DYNC2LI1: variants seen among roughly 807,000 people sequenced by gnomAD.
DYNC2LI1 encodes the protein dynein cytoplasmic 2 light intermediate chain 1.
A neutral mutation model predicts 51.9 loss-of-function variants in DYNC2LI1; 45 were observed. That is an observed-to-expected ratio of 0.87 (90% CI 0.68 to 1.11). DYNC2LI1 has a LOEUF of 1.11. Ranked by LOEUF, DYNC2LI1 falls within the 50% of genes most tolerant of loss-of-function variation. The probability of loss-of-function intolerance (pLI) is 0.00; values close to 1 mark genes in which losing one functional copy is unlikely to be tolerated. For synonymous variants in DYNC2LI1, 130 were observed against 137.8 expected (o/e 0.94, Z 0.40); for missense variants, 490 against 417.4 (o/e 1.17, Z -1.51).
At chr2:43,786,146 T>A (rs1297590389) in intron 3 of DYNC2LI1, among the ~76,000 whole-genome samples, 1 of 152,206 alleles carries the variant, frequency 6.6e-6, no homozygotes, top group Non-Finnish European at 1.5e-5. Flanking sequence ...TGCCCATGTT[T>A]GGGCTGTGAT....
chr2:43,805,241 G>A lies in DYNC2LI1; in HGVS notation c.988G>A (p.Asp330Asn), dbSNP rs757775172. Residue 330 changes from aspartate to asparagine, a missense_variant, in exon 12 of 13, where the codon GAT becomes AAT. Transcript: ENST00000260605. ...NEVDEMRIQK[D>N]LELEQYKRSS... is the part of the protein sequence containing the mutation. Reference sequence around the variant, plus strand: ...AGTCGATGAGATGAGAATTCAGAAGGATCTGGTATTATCCTAAACATTTAC... The same window carrying A: ...AGTCGATGAGATGAGAATTCAGAAGAATCTGGTATTATCCTAAACATTTAC... 4 of 1,597,074 alleles carry A rather than the reference G, an allele frequency of 2.5e-6. No individual in the cohort carries two copies.
intron 4 of DYNC2LI1, among the ~76,000 whole-genome samples, chr2:43,788,175 G>C (rs916928246): frequency 6.6e-6 from 1 of 152,140 alleles, no homozygotes; most frequent in Non-Finnish European, 1.5e-5. Context: ...AGCTCTAAAA[G>C]CTTCCCTTTA....
intron 3 of DYNC2LI1, 38 bp from the exon 4 acceptor site, chr2:43,787,143 C>T (rs757553901): frequency 2.6e-6 from 4 of 1,534,636 alleles, no homozygotes; most frequent in South Asian, 1.1e-5. Context: ...AAACTAATAC[C>T]ACCTACAATG....
chr2:43,828,065 C>A, the DYNC2LI1 span: 1 of 1,614,152 alleles, frequency 6.2e-7, no homozygotes, highest in South Asian at 1.1e-5. Flanking sequence ...AGTTGCCAAT[C>A]AGTCGGTCTG....
At chr2:43,794,874 A>G (rs1673963310) in intron 6 of DYNC2LI1, 1 of 1,411,202 alleles carries the variant, frequency 7.1e-7, no homozygotes, top group Non-Finnish European at 9.2e-7. Context: ...GTTATGGCAT[A>G]TTACACCAAT....
the DYNC2LI1 span, chr2:43,826,620 C>A: frequency 6.4e-7 from 1 of 1,558,978 alleles, no homozygotes; most frequent in Non-Finnish European, 8.8e-7. Flanking sequence ...AGTTTGTACC[C>A]CATTCAAACA....
chr2:43,785,966 A>G (rs371411374), intron 3 of DYNC2LI1, among the ~76,000 whole-genome samples: 2 of 152,090 alleles, frequency 1.3e-5, no homozygotes, highest in Non-Finnish European at 2.9e-5. Flanking sequence ...ATTCTATTTT[A>G]TGTGTTCTTT....
chr2:43,826,941 A>G, the DYNC2LI1 span, among the ~76,000 whole-genome samples: 9 of 152,372 alleles, frequency 5.9e-5, no homozygotes, highest in South Asian at 1.9e-3. Context: ...TGCACAGAAA[A>G]GAAAAAAATC....
At chr2:43,823,881 AAG>A in the DYNC2LI1 span, 42 of 1,609,830 alleles carry the variant, frequency 2.6e-5, no homozygotes, top group Non-Finnish European at 3.5e-5. Context: ...TTTAGGGAGA[AAG>A]AGGTGCACCT....
chr2:43,794,864 G>A, intron 6 of DYNC2LI1: 6 of 1,427,310 alleles, frequency 4.2e-6, no homozygotes, highest in Non-Finnish European at 5.5e-6. Flanking sequence ...TTCTGTGATT[G>A]TTATGGCATA....
the DYNC2LI1 span, chr2:43,822,965 T>C: frequency 1.2e-6 from 2 of 1,612,254 alleles, no homozygotes; most frequent in African/African-American, 1.3e-5. Context: ...TTCAGAACAG[T>C]CAGTCACCAC....
At chr2:43,790,680 C>A (rs564914043) in intron 5 of DYNC2LI1, among the ~76,000 whole-genome samples, 11 of 151,900 alleles carry the variant, frequency 7.2e-5, no homozygotes, top group Admixed American at 2.0e-4. Flanking sequence ...TAAAAAATAA[C>A]CACTTTAACA....
In DYNC2LI1 at chr2:43,783,600, T is replaced by A. The variant is rs765221481; in HGVS notation, c.161+46T>A. 28 of 1,280,918 alleles carry A rather than the reference T, an allele frequency of 2.2e-5. No individual in the cohort carries two copies. The South Asian group carries it at 4.2e-4, about 19-fold the overall frequency. The allele number at this position is 1,280,918 out of a possible 1,614,324, so 79.3% of individuals were successfully genotyped here. The stretch of plus-strand genomic sequence containing the variant: ...TAAACTATATTTATGCTTATTCTAG[T>A]TGTATAGGGCAAGTTAGCTCTAAAA... On this transcript the variant is annotated intron_variant, in intron 3 of 12. Transcript: ENST00000260605.
chr2:43,813,169 C>T (rs184878933), downstream of DYNC2LI1: 3 of 1,501,948 alleles, frequency 2.0e-6, no homozygotes, highest in Non-Finnish European at 2.8e-6. Flanking sequence ...CCTAGGATGA[C>T]AAGAGCTGGA....
At chr2:43,824,457 C>A in the DYNC2LI1 span, 14 of 1,611,844 alleles carry the variant, frequency 8.7e-6, 1 homozygote, top group South Asian at 1.4e-4. Context: ...CAAAAGATGT[C>A]ACCCATGTGT....
At chr2:43,813,696 GGTTTTTTTTTTC>G (rs1666616451), downstream of DYNC2LI1, among the ~76,000 whole-genome samples, 1 of 119,552 alleles carries the variant, frequency 8.4e-6, no homozygotes, top group South Asian at 2.8e-4. Context: ...TTTTTTTTGG[GGTTTTTTTTTTC>G]GTTTTTTTTT....
At chr2:43,823,563 C>T in the DYNC2LI1 span, among the ~76,000 whole-genome samples, 3 of 152,044 alleles carry the variant, frequency 2.0e-5, no homozygotes, top group African/African-American at 4.8e-5. Context: ...GAGAAGCTAA[C>T]GGTACAAAGT....
At chr2:43,802,189 G>A (rs1666097818) in intron 10 of DYNC2LI1, among the ~76,000 whole-genome samples, 3 of 152,048 alleles carry the variant, frequency 2.0e-5, no homozygotes, top group Admixed American at 2.0e-4. Flanking sequence ...CTCATCTAAT[G>A]GAATGTATTT....
chr2:43,776,368 A>C (rs1183732736), intron 1 of DYNC2LI1, among the ~76,000 whole-genome samples: 1 of 152,220 alleles, frequency 6.6e-6, no homozygotes, highest in East Asian at 1.9e-4. Flanking sequence ...TCAGGGAGGA[A>C]AGATTATTTG....
Sources: allele counts gnomAD v4.1 joint callset (sites outside exome capture counted in the v4.1 genomes callset), GRCh38; gene constraint gnomAD v4.1.1; transcripts MANE v1.5; gene names NCBI Gene and HGNC (gene_info 2026-07-23, HGNC 2026-07-21).